Variants in TBP observed in about 807,000 individuals in gnomAD.
The protein encoded by TBP is TATA-box binding protein.
In TBP, 12 loss-of-function variants were observed where a neutral mutation model predicts 46.2. That is an observed-to-expected ratio of 0.26 (90% CI 0.17 to 0.42). The LOEUF (loss-of-function observed/expected upper bound fraction) is 0.42, where lower values mean the gene tolerates loss of function less well. TBP is among the 10% of genes least tolerant of loss of function. The pLI is 1.00. For missense variants in TBP, 229 were observed against 403.1 expected, an observed-to-expected ratio of 0.57 and a Z score of 3.70; for synonymous variants, 157 against 148.3, an observed-to-expected ratio of 1.06 and a Z score of -0.42.
intron 2 of TBP, among the ~76,000 whole-genome samples, chr6:170,559,686 C>A (rs1201427482): frequency 6.6e-6 from 1 of 152,218 alleles, no homozygotes; most frequent in East Asian, 1.9e-4. Context: ...TCTGGAAGAT[C>A]TAGCTGAGAT....
rs569710951 is a variant in TBP, at chr6:170,560,482, G to A, written c.55-1309G>A. ...TGTCTCAAAGAAAGGAAGCAGGGAG[G>A]GACATATGCTGTAGCTGCCATAGAT... On this transcript the variant is annotated intron_variant, in intron 2 of 7. Transcript: ENST00000392092. Among the ~76,000 whole-genome samples, 12 of 152,248 alleles carry A rather than the reference G, an allele frequency of 7.9e-5. No individual in the cohort carries two copies. In the South Asian group the frequency reaches 2.5e-3, roughly 32 times the overall value.
intron 3 of TBP, among the ~76,000 whole-genome samples, chr6:170,563,136 G>C (rs920673895): frequency 1.3e-4 from 20 of 152,128 alleles, no homozygotes; most frequent in Admixed American, 7.2e-4. Flanking sequence ...AGTAATTTTA[G>C]TGATTTTAGA....
chr6:170,561,990 A>G lies in TBP; in HGVS notation c.254A>G (p.Gln85Arg), dbSNP rs1401305444. The G allele has an allele frequency of 1.2e-6, 2 of 1,605,470 alleles. No individual in the cohort carries two copies. Among genetic ancestry groups the G allele is most frequent in the East Asian group, 2.2e-5 (1 of 44,686 alleles). ...CAGCAGCAGCAGCAGCAGCAGCAGC[A>G]GCAGCAGCAGCAGCAGCAGCAGCAG... ...QQQQQQQQQQ[Q>R]QQQQQQQQQQ... Residue 85 changes from glutamine (Q) to arginine (R), a missense_variant, in exon 3 of 8, where the codon CAG (glutamine) becomes CGG (arginine). Gln to Arg is a conservative substitution (Grantham distance 43, BLOSUM62 1). Coordinates refer to ENST00000392092, the MANE Select transcript of TBP (RefSeq NM_003194.5).
Position 170,556,899 on chromosome 6 carries a change from G to T in TBP, c.-131G>T. ...CAAAGCAGCATCACTGTTTCTTGGCGTGTGAAGATAACCCAAGGAATTGAG... is the reference window on the plus strand; with the variant it reads ...CAAAGCAGCATCACTGTTTCTTGGCTTGTGAAGATAACCCAAGGAATTGAG... On this transcript the variant is annotated 5_prime_UTR_variant, in exon 2 of 8. Coordinates refer to ENST00000392092, the MANE Select transcript of TBP (RefSeq NM_003194.5). 1.2e-6 allele frequency: 1 copy of T among 820,790 alleles called. No homozygotes were observed. Among genetic ancestry groups the T allele is most frequent in the African/African-American group, 1.7e-5 (1 of 58,608 alleles). The allele number at this position is 820,790 out of a possible 1,614,324, so 50.8% of individuals were successfully genotyped here.
In TBP at chr6:170,554,401, C is replaced by A. The variant is rs567317900; in HGVS notation, c.-211C>A. 2 of 152,492 alleles carry A rather than the reference C, an allele frequency of 1.3e-5. No homozygotes were observed. Among genetic ancestry groups the A allele is most frequent in the African/African-American group, 4.8e-5 (2 of 41,484 alleles). The allele number at this position is 152,492 out of a possible 1,614,324, so 9.4% of individuals were successfully genotyped here. A position where few individuals can be genotyped will look rare whatever the true frequency, so the allele number is the denominator to read the frequency against. On this transcript the variant is annotated 5_prime_UTR_variant, in exon 1 of 8. Coordinates refer to ENST00000392092, the MANE Select transcript of TBP (RefSeq NM_003194.5). ...TCGGGCAGGTTCGCTGTGGCGGGCG[C>A]CTGGGCCGCCGGCTGTTTAACTTCG...
intron 3 of TBP, among the ~76,000 whole-genome samples, chr6:170,563,719 G>A (rs925194837): frequency 2.0e-5 from 3 of 152,186 alleles, no homozygotes; most frequent in African/African-American, 4.8e-5. Context: ...ATCTGGACTC[G>A]ATATTCTTGG....
intron 4 of TBP, 113 bp downstream of exon 4, chr6:170,564,745 G>A: frequency 6.9e-6 from 4 of 583,032 alleles, no homozygotes; most frequent in Non-Finnish European, 8.1e-6. Flanking sequence ...ATCAGGCCAG[G>A]CACAGTGGCT....
Position 170,556,886 on chromosome 6 carries a change from A to G in TBP, c.-144A>G. Reference sequence around the variant, plus strand: ...TTAGACTTTTTTCCAAAGCAGCATCACTGTTTCTTGGCGTGTGAAGATAAC... The same window carrying G: ...TTAGACTTTTTTCCAAAGCAGCATCGCTGTTTCTTGGCGTGTGAAGATAAC... On this transcript the variant is annotated 5_prime_UTR_variant, in exon 2 of 8. Transcript: ENST00000392092. The G allele has an allele frequency of 1.3e-6, 1 of 766,366 alleles. No homozygotes were observed. Among genetic ancestry groups the G allele is most frequent in the Non-Finnish European group, 2.2e-6 (1 of 450,978 alleles). 47.5% of individuals were successfully genotyped at this position (766,366 alleles called of 1,614,324 possible).
At chr6:170,564,923 G>A (rs548443834) in intron 4 of TBP, among the ~76,000 whole-genome samples, 3 of 151,906 alleles carry the variant, frequency 2.0e-5, no homozygotes, top group African/African-American at 7.2e-5. Context: ...TTGGGAGGCC[G>A]AGGTGGGCGG....
chr6:170,562,268 A>AGGG (rs780214667), intron 3 of TBP, 35 bp downstream of exon 3: 1 of 1,589,768 alleles, frequency 6.3e-7, no homozygotes, highest in Non-Finnish European at 8.6e-7. Context: ...CCTCCCACTT[A>AGGG]GGAGTCCCTT....
intron 3 of TBP, among the ~76,000 whole-genome samples, chr6:170,563,282 C>T (rs569022090): frequency 9.9e-5 from 15 of 152,242 alleles, no homozygotes; most frequent in African/African-American, 1.4e-4. Context: ...GTGTTTGTTT[C>T]TTGCGAGTGC....
At chr6:170,563,215 G>A (rs989040008) in intron 3 of TBP, among the ~76,000 whole-genome samples, 5 of 152,086 alleles carry the variant, frequency 3.3e-5, no homozygotes, top group Non-Finnish European at 5.9e-5. Context: ...CTGACTCCCA[G>A]GAATATTTAA....
rs751047986 is a variant in TBP at position 170,572,258 on chromosome 6, C to T, written c.1013C>T (p.Thr338Met). ...CCTATTCTAAAGGGATTCAGGAAGA[C>T]GACGTAATGGCTCTCATGTACCCTT... is the stretch of plus-strand genomic sequence containing the variant. ...IYPILKGFRK[T>M]T The change falls in exon 8 of 8, where the codon ACG (threonine) becomes ATG (methionine). Residue 338 changes from threonine (T) to methionine (M), a missense_variant. Physicochemically the swap from Thr to Met is moderately conservative, Grantham distance 81 (BLOSUM62 -1). Around this residue, in one of 4 missense-constraint regions of TBP, gnomAD observed 44 missense variants for 54.1 expected, o/e 0.81. Transcript: ENST00000392092. 6.2e-6 allele frequency: 10 copies of T among 1,612,440 alleles called. No individual in the cohort carries two copies. The highest frequency in any genetic ancestry group is 3.3e-5 in the Admixed American group (2 of 59,978).
intron 3 of TBP, among the ~76,000 whole-genome samples, chr6:170,563,136 G>A (rs920673895): frequency 6.6e-6 from 1 of 152,128 alleles, no homozygotes; most frequent in Non-Finnish European, 1.5e-5. Flanking sequence ...AGTAATTTTA[G>A]TGATTTTAGA....
At chr6:170,564,686 G>T in intron 4 of TBP, 54 bp downstream of exon 4, 2 of 1,229,460 alleles carry the variant, frequency 1.6e-6, no homozygotes, top group Admixed American at 4.2e-5. Flanking sequence ...CTCCTCTGCC[G>T]TGTCTCTATA....
rs778977394 is a variant in TBP at position 170,572,291 on chromosome 6, C to T, written c.*26C>T. ...TGGCTCTCATGTACCCTTGCCTCCC[C>T]CACCCCCTTCTTTTTTTTTTTTTAA... On this transcript the variant is annotated 3_prime_UTR_variant, in exon 8 of 8. Transcript: ENST00000392092. 2 of 1,543,944 alleles carry T rather than the reference C, an allele frequency of 1.3e-6. No individual in the cohort carries two copies. The highest frequency in any genetic ancestry group is 1.8e-6 in the Non-Finnish European group (2 of 1,133,718).
At chr6:170,569,982 G>C (rs992892094) in intron 6 of TBP, among the ~76,000 whole-genome samples, 1 of 151,912 alleles carries the variant, frequency 6.6e-6, no homozygotes, top group Non-Finnish European at 1.5e-5. Context: ...ATCACTTTGC[G>C]GTACCCATAA....
intron 2 of TBP, among the ~76,000 whole-genome samples, chr6:170,560,662 TGGA>T (rs1779123480): frequency 6.6e-6 from 1 of 152,234 alleles, no homozygotes; most frequent in African/African-American, 2.4e-5. Context: ...CCAACCCTCG[TGGA>T]TGACTTTGAG....
Position 170,571,528 on chromosome 6 carries a change from T to G in TBP, c.940+24T>G, listed in dbSNP as rs751279107. 6.4e-6 allele frequency: 10 copies of G among 1,552,480 alleles called. No homozygotes were observed. The Admixed American group carries it at 1.7e-4, about 26-fold the overall frequency. ...AGGTAAGTTGTAACAGGAAGTAGTA[T>G]CTGAAAGTTTGTAAGTGTTTTGAGT... On this transcript the variant is annotated intron_variant, in intron 7 of 7. Coordinates refer to ENST00000392092, the MANE Select transcript of TBP (RefSeq NM_003194.5).
Sources: gnomAD v4.1 joint callset for allele counts (sites outside exome capture counted in the v4.1 genomes callset) on GRCh38, gnomAD v4.1.1 for gene constraint, gnomAD v4.1.1 regional missense constraint, MANE v1.5 for transcripts, NCBI Gene and HGNC (gene_info 2026-07-23, HGNC 2026-07-21) for gene names.